The following MAPK4 variants were observed in gnomAD, a reference collection of about 807,000 sequenced individuals.
The protein encoded by MAPK4 is mitogen-activated protein kinase 4.
MAPK4 carries 22 observed loss-of-function variants against 47.7 expected under a neutral mutation model. That is an observed-to-expected ratio of 0.46 (90% CI 0.33 to 0.66). The LOEUF (loss-of-function observed/expected upper bound fraction) is 0.66. MAPK4 is among the 30% of genes least tolerant of loss of function. The pLI is 0.02. For synonymous variants in MAPK4, 390 were observed against 365.7 expected, an observed-to-expected ratio of 1.07 and a Z score of -0.76; for missense variants, 736 against 831.7, an observed-to-expected ratio of 0.88 and a Z score of 1.42.
intron 1 of MAPK4, among the ~76,000 whole-genome samples, chr18:50,603,584 G>A (rs1014096445): frequency 6.6e-5 from 10 of 152,108 alleles, no homozygotes; most frequent in African/African-American, 1.7e-4. Flanking sequence ...CATCAGTCCT[G>A]TCTCTGCCTC....
At chr18:50,637,771 CT>C (rs765051697) in intron 1 of MAPK4, among the ~76,000 whole-genome samples, 5 of 152,228 alleles carry the variant, frequency 3.3e-5, no homozygotes, top group Non-Finnish European at 7.3e-5. Flanking sequence ...CTCTCCCTGG[CT>C]TGCACGTGGC....
intron 2 of MAPK4, among the ~76,000 whole-genome samples, chr18:50,674,483 C>G (rs917576453): frequency 1.3e-5 from 2 of 152,078 alleles, no homozygotes; most frequent in Non-Finnish European, 2.9e-5. Flanking sequence ...TGGGAGAGAC[C>G]AGCCCTTATC....
chr18:50,584,122 G>A (rs1454880563), intron 1 of MAPK4, among the ~76,000 whole-genome samples: 1 of 152,226 alleles, frequency 6.6e-6, no homozygotes, highest in African/African-American at 2.4e-5. Flanking sequence ...TCAACTGGGA[G>A]AGATTTCTGG....
At position 50,706,397 on chromosome 18, in the gene MAPK4, C is replaced by T. The variant is rs900745873; in HGVS notation, c.547-8682C>T. On this transcript the variant is annotated intron_variant, in intron 2 of 5. Coordinates refer to ENST00000400384, the MANE Select transcript of MAPK4 (RefSeq NM_002747.4). ...AAATCACTGATGCCTGGTTCCCACC[C>T]CCCCGCCTCCGCCCCCACAGATTCT... 3.5e-4 allele frequency among the ~76,000 whole-genome samples: 53 copies of T among 151,908 alleles called. 1 individual carries two copies. The highest frequency in any genetic ancestry group is 3.4e-3 in the Middle Eastern group (1 of 294).
At chr18:50,602,211 G>T (rs186061161) in intron 1 of MAPK4, among the ~76,000 whole-genome samples, 1 of 152,132 alleles carries the variant, frequency 6.6e-6, no homozygotes, top group Admixed American at 6.5e-5. Flanking sequence ...CAAGTACATC[G>T]TAGGTCCCAA....
intron 2 of MAPK4, among the ~76,000 whole-genome samples, chr18:50,703,911 G>A (rs949158364): frequency 6.6e-6 from 1 of 152,164 alleles, no homozygotes; most frequent in African/African-American, 2.4e-5. Flanking sequence ...CAGCAAGTCT[G>A]TAGGTGAGAC....
At chr18:50,582,428 TG>T (rs1455770012) in intron 1 of MAPK4, among the ~76,000 whole-genome samples, 3 of 152,238 alleles carry the variant, frequency 2.0e-5, no homozygotes, top group Admixed American at 6.5e-5. Context: ...TGGCTCAGCC[TG>T]GGACCATATC....
intron 1 of MAPK4, among the ~76,000 whole-genome samples, chr18:50,596,946 C>T (rs995066017): frequency 6.6e-6 from 1 of 152,122 alleles, no homozygotes; most frequent in South Asian, 2.1e-4. Context: ...TGTCAGGTGT[C>T]ATTATTTTTT....
intron 1 of MAPK4, among the ~76,000 whole-genome samples, chr18:50,580,018 C>T (rs549697300): frequency 6.6e-6 from 1 of 152,274 alleles, no homozygotes; most frequent in African/African-American, 2.4e-5. Flanking sequence ...CTCTTCATCA[C>T]ACAGTAATTG....
chr18:50,673,714 G>A (rs1246066711), intron 2 of MAPK4, among the ~76,000 whole-genome samples: 1 of 152,086 alleles, frequency 6.6e-6, no homozygotes, highest in Non-Finnish European at 1.5e-5. Flanking sequence ...AAATTAGCTG[G>A]GCATGGTGGC....
At chr18:50,716,270 C>T (rs1763886857) in intron 3 of MAPK4, among the ~76,000 whole-genome samples, 1 of 152,140 alleles carries the variant, frequency 6.6e-6, no homozygotes, top group South Asian at 2.1e-4. Flanking sequence ...CCAGGGAACC[C>T]ATTTCAGCCT....
chr18:50,587,599 A>C (rs992178160), intron 1 of MAPK4, among the ~76,000 whole-genome samples: 17 of 152,104 alleles, frequency 1.1e-4, no homozygotes, highest in Admixed American at 9.8e-4. Context: ...CCCTCCATGA[A>C]GGTGTGGTAG....
intron 2 of MAPK4, among the ~76,000 whole-genome samples, chr18:50,697,853 A>G (rs1385382522): frequency 2.0e-5 from 3 of 152,200 alleles, no homozygotes; most frequent in African/African-American, 4.8e-5. Flanking sequence ...GCTGCTCCTT[A>G]GGGCCTGTGG....
At chr18:50,612,314 C>T (rs546807772) in intron 1 of MAPK4, among the ~76,000 whole-genome samples, 17 of 152,312 alleles carry the variant, frequency 1.1e-4, no homozygotes, top group South Asian at 6.2e-4. Flanking sequence ...ACAGCTAATT[C>T]GCTATAATCC....
intron 1 of MAPK4, among the ~76,000 whole-genome samples, chr18:50,612,861 A>G (rs181808645): frequency 6.6e-6 from 1 of 152,346 alleles, no homozygotes; most frequent in Admixed American, 6.5e-5. Context: ...TTGATTAGAT[A>G]CTTAGAAAGG....
At chr18:50,580,820 A>C (rs1360368579) in intron 1 of MAPK4, among the ~76,000 whole-genome samples, 1 of 152,232 alleles carries the variant, frequency 6.6e-6, no homozygotes, top group Non-Finnish European at 1.5e-5. Context: ...CTTAGGGCAG[A>C]AACTTAAATC....
intron 2 of MAPK4, among the ~76,000 whole-genome samples, chr18:50,676,953 T>C (rs1908307816): frequency 6.6e-6 from 1 of 152,210 alleles, no homozygotes; most frequent in Non-Finnish European, 1.5e-5. Flanking sequence ...CAGGACTGTC[T>C]GTGGCCTCTT....
rs754028426 is a variant in MAPK4, at chr18:50,664,170, G to A, written c.212G>A (p.Arg71His). 6.1e-5 allele frequency: 99 copies of A among 1,613,980 alleles called. No individual in the cohort carries two copies. Among genetic ancestry groups the A allele is most frequent in the Non-Finnish European group, 7.9e-5 (93 of 1,180,040 alleles). Residue 71 changes from arginine to histidine, a missense_variant, in exon 2 of 6, where the codon CGC becomes CAC. Physicochemically the swap from Arg to His is conservative, Grantham distance 29 (BLOSUM62 0). Transcript: ENST00000400384. This position sits in a 1 kb window ranked among gnomAD's most constrained non-coding sequence, Gnocchi z 6.0. ...HALREIKIIR[R>H]LDHDNIVKVY... is the part of the protein sequence containing the mutation. ...CTCCGAGAGATCAAGATCATTCGGC[G>A]CCTGGACCACGACAACATCGTCAAA...
intron 2 of MAPK4, among the ~76,000 whole-genome samples, chr18:50,680,939 A>G (rs1042409767): frequency 1.3e-5 from 2 of 152,214 alleles, no homozygotes; most frequent in African/African-American, 4.8e-5. Flanking sequence ...TCTTGGGTAT[A>G]TACCTAGGAG....
Sources: gnomAD v4.1 joint callset for allele counts (sites outside exome capture counted in the v4.1 genomes callset) on GRCh38, gnomAD v4.1.1 for gene constraint, Gnocchi (gnomAD v3.1) non-coding constraint, MANE v1.5 for transcripts, NCBI Gene and HGNC (gene_info 2026-07-23, HGNC 2026-07-21) for gene names.